SCHIP1: variants seen among roughly 807,000 people sequenced by gnomAD.
SCHIP1 encodes the protein schwannomin-interacting protein 1.
In SCHIP1, 8 loss-of-function variants were observed where a neutral mutation model predicts 29.7. That is an observed-to-expected ratio of 0.27 (90% CI 0.16 to 0.49). SCHIP1 has a LOEUF of 0.49. SCHIP1 is among the 20% of genes least tolerant of loss of function. The pLI is 0.99. For synonymous variants in SCHIP1, 76 were observed against 94.9 expected (o/e 0.80, Z 1.16); for missense variants, 193 against 294.6 (o/e 0.66, Z 2.52).
the SCHIP1 span, among the ~76,000 whole-genome samples, chr3:159,311,758 CA>C: frequency 2.6e-5 from 4 of 152,060 alleles, no homozygotes; most frequent in South Asian, 2.1e-4. Flanking sequence ...AGGGAAAATG[CA>C]ACTTCAAATA....
intron 2 of SCHIP1, among the ~76,000 whole-genome samples, chr3:159,866,795 T>C (rs536567889): frequency 2.6e-5 from 4 of 152,342 alleles, no homozygotes; most frequent in Admixed American, 6.5e-5. Context: ...TTTCAGGATA[T>C]CATTACTCTT....
the SCHIP1 span, among the ~76,000 whole-genome samples, chr3:159,546,803 T>C: frequency 6.6e-6 from 1 of 152,266 alleles, no homozygotes; most frequent in Non-Finnish European, 1.5e-5. Flanking sequence ...TGCCACATTT[T>C]CTTTATCCAG....
At chr3:159,293,465 T>C in the SCHIP1 span, among the ~76,000 whole-genome samples, 1 of 152,162 alleles carries the variant, frequency 6.6e-6, no homozygotes. Context: ...ACGAAGGTGG[T>C]ATATGGGTGA....
the SCHIP1 span, among the ~76,000 whole-genome samples, chr3:159,785,853 A>T: frequency 6.6e-6 from 1 of 152,350 alleles, no homozygotes; most frequent in East Asian, 1.9e-4. Flanking sequence ...GGCAGCTTAT[A>T]CTTTCATAGA....
the SCHIP1 span, among the ~76,000 whole-genome samples, chr3:159,563,904 T>C: frequency 6.6e-6 from 1 of 152,200 alleles, no homozygotes; most frequent in African/African-American, 2.4e-5. Context: ...ACATATCTCT[T>C]ACATGAGAAC....
At chr3:159,452,010 A>G in the SCHIP1 span, among the ~76,000 whole-genome samples, 4 of 152,050 alleles carry the variant, frequency 2.6e-5, no homozygotes, top group African/African-American at 9.7e-5. Context: ...TGACACAAAG[A>G]TGTGTTTGAG....
chr3:159,789,323 A>G, the SCHIP1 span, among the ~76,000 whole-genome samples: 8,878 of 152,276 alleles, frequency 0.058, 348 homozygotes, highest in South Asian at 0.2. Context: ...AACTGATTGG[A>G]TGAGACCGGC....
At chr3:159,719,452 C>A in the SCHIP1 span, among the ~76,000 whole-genome samples, 1 of 152,174 alleles carries the variant, frequency 6.6e-6, no homozygotes, top group Admixed American at 6.5e-5. Flanking sequence ...AGGCAACCTA[C>A]AGAATGGGAG....
the SCHIP1 span, among the ~76,000 whole-genome samples, chr3:159,552,132 A>G: frequency 7.1e-6 from 1 of 141,386 alleles, no homozygotes; most frequent in Non-Finnish European, 1.5e-5. Context: ...TCCGCCTCCC[A>G]AGTTCAAGAG....
At chr3:159,315,263 ATCTGGGC>A in the SCHIP1 span, among the ~76,000 whole-genome samples, 1 of 147,342 alleles carries the variant, frequency 6.8e-6, no homozygotes, top group Non-Finnish European at 1.5e-5. Context: ...CAGTGGCACA[ATCTGGGC>A]TCACTGCAAG....
the SCHIP1 span, among the ~76,000 whole-genome samples, chr3:159,342,724 T>A: frequency 6.6e-6 from 1 of 152,210 alleles, no homozygotes; most frequent in East Asian, 1.9e-4. Context: ...TTTGGCTATA[T>A]TGTTTATTTT....
chr3:159,412,228 A>T, the SCHIP1 span, among the ~76,000 whole-genome samples: 1 of 152,222 alleles, frequency 6.6e-6, no homozygotes, highest in East Asian at 1.9e-4. Flanking sequence ...CATGCTCTTA[A>T]TCACTGTATT....
chr3:159,448,245 G>A, the SCHIP1 span, among the ~76,000 whole-genome samples: 10 of 152,078 alleles, frequency 6.6e-5, no homozygotes, highest in South Asian at 6.2e-4. Context: ...AGGCTGAGGC[G>A]GGTGGATCAT....
the SCHIP1 span, among the ~76,000 whole-genome samples, chr3:159,777,845 T>C: frequency 6.6e-6 from 1 of 152,188 alleles, no homozygotes; most frequent in African/African-American, 2.4e-5. Flanking sequence ...CATAATACAG[T>C]GGAGGACCTG....
chr3:159,417,027 C>T, the SCHIP1 span, among the ~76,000 whole-genome samples: 1 of 152,308 alleles, frequency 6.6e-6, no homozygotes, highest in East Asian at 1.9e-4. Context: ...TGGCCAACCT[C>T]AATCTGTAAT....
the SCHIP1 span, among the ~76,000 whole-genome samples, chr3:159,703,718 A>T: frequency 6.6e-6 from 1 of 152,220 alleles, no homozygotes. Flanking sequence ...ATTCTTGTTA[A>T]GAAACAAGGA....
At chr3:159,848,258 G>A (rs1712111097) in intron 1 of SCHIP1, among the ~76,000 whole-genome samples, 1 of 152,308 alleles carries the variant, frequency 6.6e-6, no homozygotes, top group East Asian at 1.9e-4. Flanking sequence ...AAGTGACTGT[G>A]AGTAGGTTTT....
the SCHIP1 span, among the ~76,000 whole-genome samples, chr3:159,304,231 G>GT: frequency 9.7e-3 from 1,481 of 152,182 alleles, 22 homozygotes; most frequent in African/African-American, 0.034. Context: ...ATTACTATAA[G>GT]TATTTTCCAT....
At chr3:159,436,924 C>G in the SCHIP1 span, among the ~76,000 whole-genome samples, 1 of 152,034 alleles carries the variant, frequency 6.6e-6, no homozygotes, top group Admixed American at 6.6e-5. Flanking sequence ...TTCTAAGGAG[C>G]TATCATGGAA....
Sources: gnomAD v4.1 joint callset for allele counts (sites outside exome capture counted in the v4.1 genomes callset) on GRCh38, gnomAD v4.1.1 for gene constraint, MANE v1.5 for transcripts, NCBI Gene and HGNC (gene_info 2026-07-23, HGNC 2026-07-21) for gene names.